Variants in DLGAP1 observed in about 807,000 individuals in gnomAD.
DLGAP1 encodes disks large-associated protein 1.
Under a neutral mutation model 90.8 loss-of-function variants are expected in DLGAP1, and 11 were observed. The observed-to-expected ratio is 0.12, with a 90% confidence interval of 0.08 to 0.20. The LOEUF (loss-of-function observed/expected upper bound fraction) is 0.20, where lower values mean the gene tolerates loss of function less well. DLGAP1 is among the 10% of genes least tolerant of loss of function. The pLI is 1.00. For synonymous variants in DLGAP1, 558 were observed against 540.7 expected (o/e 1.03, Z -0.44); for missense variants, 1,050 against 1,333.8 (o/e 0.79, Z 3.31).
intron 2 of DLGAP1, among the ~76,000 whole-genome samples, chr18:4,023,963 T>C (rs1196043393): frequency 6.6e-6 from 1 of 152,244 alleles, no homozygotes; most frequent in Non-Finnish European, 1.5e-5. Context: ...GTCTGTTTTT[T>C]GTAAAGTTTA....
intron 7 of DLGAP1, among the ~76,000 whole-genome samples, chr18:3,649,878 G>A (rs2059236107): frequency 6.6e-6 from 1 of 152,148 alleles, no homozygotes; most frequent in Non-Finnish European, 1.5e-5. Flanking sequence ...TTTATCTGAG[G>A]TGAGGGTAAT....
At chr18:3,568,242 G>A (rs1568211620) in intron 8 of DLGAP1, among the ~76,000 whole-genome samples, 1 of 152,096 alleles carries the variant, frequency 6.6e-6, no homozygotes, top group Non-Finnish European at 1.5e-5. Flanking sequence ...AAATAAAGAG[G>A]AAAATTTATA....
chr18:4,051,884 A>T (rs1224480649), intron 2 of DLGAP1, among the ~76,000 whole-genome samples: 1 of 152,240 alleles, frequency 6.6e-6, no homozygotes, highest in Non-Finnish European at 1.5e-5. Flanking sequence ...TGGCCAAAAC[A>T]GAGGGGCTAT....
intron 1 of DLGAP1, among the ~76,000 whole-genome samples, chr18:4,302,721 G>A (rs1340854607): frequency 2.0e-5 from 3 of 152,054 alleles, no homozygotes; most frequent in Non-Finnish European, 4.4e-5. Flanking sequence ...GGTTCCATAT[G>A]AGTTTTAGAA....
At chr18:3,927,249 A>G (rs2072412478) in intron 3 of DLGAP1, among the ~76,000 whole-genome samples, 1 of 152,222 alleles carries the variant, frequency 6.6e-6, no homozygotes, top group African/African-American at 2.4e-5. Context: ...GTAACAGTAT[A>G]TTTACATCTT....
At chr18:3,668,248 G>GC (rs1299867932) in intron 7 of DLGAP1, among the ~76,000 whole-genome samples, 1 of 152,090 alleles carries the variant, frequency 6.6e-6, no homozygotes, top group Non-Finnish European at 1.5e-5. Flanking sequence ...TTCTTTTGCA[G>GC]CCCCCAAAAC....
intron 3 of DLGAP1, among the ~76,000 whole-genome samples, chr18:3,952,074 TAGAG>T (rs1000330011): frequency 6.6e-6 from 1 of 152,162 alleles, no homozygotes; most frequent in African/African-American, 2.4e-5. Flanking sequence ...ATTTCTATAA[TAGAG>T]AGATAGTTAG....
chr18:3,856,428 T>C (rs941118427), intron 4 of DLGAP1, among the ~76,000 whole-genome samples: 3 of 152,062 alleles, frequency 2.0e-5, no homozygotes, highest in African/African-American at 7.2e-5. Context: ...GATGAGAGAA[T>C]TGTGATTGCT....
intron 9 of DLGAP1, among the ~76,000 whole-genome samples, chr18:3,555,704 GGAGGCT>G (rs1248008681): frequency 6.6e-6 from 1 of 152,248 alleles, no homozygotes; most frequent in Admixed American, 6.5e-5. Context: ...TAGCTACTTA[GGAGGCT>G]GAGGCAGGAG....
At chr18:4,160,416 C>T (rs1217356629) in intron 1 of DLGAP1, among the ~76,000 whole-genome samples, 1 of 152,156 alleles carries the variant, frequency 6.6e-6, no homozygotes, top group Non-Finnish European at 1.5e-5. Context: ...TCTGTATAAG[C>T]TTAACTTCTG....
At chr18:4,399,250 A>G (rs539919259) in intron 1 of DLGAP1, among the ~76,000 whole-genome samples, 10 of 152,366 alleles carry the variant, frequency 6.6e-5, no homozygotes, top group Non-Finnish European at 1.2e-4. Context: ...AAAACTATTG[A>G]CACCAAGTGG....
intron 2 of DLGAP1, among the ~76,000 whole-genome samples, chr18:4,057,557 G>A (rs745746058): frequency 7.2e-5 from 11 of 152,186 alleles, no homozygotes; most frequent in Non-Finnish European, 1.5e-4. Context: ...AACCATGCAC[G>A]TGAATCTCTC....
chr18:4,058,958 G>A (rs2075262138), intron 2 of DLGAP1, among the ~76,000 whole-genome samples: 2 of 152,232 alleles, frequency 1.3e-5, no homozygotes, highest in African/African-American at 2.4e-5. Flanking sequence ...ACATAGGCTG[G>A]CCCAAGGCCA....
intron 3 of DLGAP1, among the ~76,000 whole-genome samples, chr18:3,924,885 A>G (rs1463386507): frequency 6.6e-6 from 1 of 152,076 alleles, no homozygotes; most frequent in Non-Finnish European, 1.5e-5. Flanking sequence ...TGAGTTGTAG[A>G]TGGAAGTTCA....
intron 2 of DLGAP1, among the ~76,000 whole-genome samples, chr18:4,018,973 A>T (rs2074565462): frequency 6.6e-6 from 1 of 152,246 alleles, no homozygotes; most frequent in South Asian, 2.1e-4. Context: ...TAAAAAGGAA[A>T]TAATTAGTCT....
At chr18:3,881,938 A>T (rs2071183230) in intron 3 of DLGAP1, among the ~76,000 whole-genome samples, 1 of 152,190 alleles carries the variant, frequency 6.6e-6, no homozygotes, top group Non-Finnish European at 1.5e-5. Context: ...ACAAACACTA[A>T]GATGAATAAT....
chr18:3,662,487 C>T (rs1369521793), intron 7 of DLGAP1, among the ~76,000 whole-genome samples: 1 of 152,170 alleles, frequency 6.6e-6, no homozygotes, highest in African/African-American at 2.4e-5. Flanking sequence ...AGGATGCCCA[C>T]AAAGATTATG....
At chr18:3,921,572 T>C (rs1043548139) in intron 3 of DLGAP1, among the ~76,000 whole-genome samples, 3 of 152,180 alleles carry the variant, frequency 2.0e-5, no homozygotes, top group Admixed American at 6.5e-5. Context: ...ATGGAGACCA[T>C]AGCTAGACAA....
chr18:4,412,768 A>T (rs1035417216), intron 1 of DLGAP1, among the ~76,000 whole-genome samples: 13 of 152,234 alleles, frequency 8.5e-5, no homozygotes, highest in African/African-American at 3.1e-4. Context: ...AGAAAAACAT[A>T]CAGAGAAGTG....
Sources: allele counts gnomAD v4.1 joint callset (sites outside exome capture counted in the v4.1 genomes callset), GRCh38; gene constraint gnomAD v4.1.1; transcripts MANE v1.5; gene names NCBI Gene and HGNC (gene_info 2026-07-23, HGNC 2026-07-21).